The following TMEM87B variants were observed in gnomAD, a reference collection of about 807,000 sequenced individuals.
The protein encoded by TMEM87B is transmembrane protein 87B.
Under a neutral mutation model 80.3 loss-of-function variants are expected in TMEM87B, and 83 were observed. That is an observed-to-expected ratio of 1.03 (90% confidence interval 0.87 to 1.24). The LOEUF (loss-of-function observed/expected upper bound fraction) is 1.24. TMEM87B is among the 50% of genes most tolerant of loss of function. TMEM87B has a pLI of 0.00. For synonymous variants in TMEM87B, 219 were observed against 230.5 expected (o/e 0.95, Z 0.45); for missense variants, 625 against 674.4 (o/e 0.93, Z 0.81).
chr2:112,094,660 A>G (rs981887512), intron 11 of TMEM87B, among the ~76,000 whole-genome samples: 1 of 152,182 alleles, frequency 6.6e-6, no homozygotes, highest in Non-Finnish European at 1.5e-5. Flanking sequence ...GGGTAGGAAA[A>G]TAAGGAAAAC....
In TMEM87B at chr2:112,055,658, G is replaced by A. The variant is rs1026928944; in HGVS notation, c.67G>A (p.Ala23Thr). Residue 23 changes from alanine to threonine, a missense_variant, in exon 1 of 19, where the codon GCC becomes ACC. Ala to Thr is a moderately conservative substitution (Grantham distance 58). Coordinates refer to ENST00000283206, the MANE Select transcript of TMEM87B (RefSeq NM_032824.3). ...PRRRRCFPARAPLLRVALCLL... is the reference protein window; with the variant it reads ...PRRRRCFPARTPLLRVALCLL... ...CCGCCGCCGCTGCTTTCCCGCCCGGGCCCCGCTGCTGCGCGTCGCCCTCTG... is the reference window on the plus strand; with the variant it reads ...CCGCCGCCGCTGCTTTCCCGCCCGGACCCCGCTGCTGCGCGTCGCCCTCTG... The A allele has an allele frequency of 2.5e-6, 4 of 1,577,388 alleles. No homozygotes were observed. Among genetic ancestry groups the A allele is most frequent in the African/African-American group, 1.4e-5 (1 of 71,402 alleles).
At chr2:112,066,143 G>A (rs549566199) in intron 3 of TMEM87B, among the ~76,000 whole-genome samples, 14 of 152,258 alleles carry the variant, frequency 9.2e-5, no homozygotes, top group African/African-American at 3.4e-4. Context: ...ACTTGTTTTA[G>A]CATCCTTTCA....
chr2:112,062,873 T>C (rs1197517152), intron 2 of TMEM87B, among the ~76,000 whole-genome samples: 1 of 152,182 alleles, frequency 6.6e-6, no homozygotes, highest in Non-Finnish European at 1.5e-5. Flanking sequence ...ACTCAAACAG[T>C]TCCCAACTCT....
chr2:112,065,313 A>C (rs757587631), intron 3 of TMEM87B, among the ~76,000 whole-genome samples: 1 of 152,202 alleles, frequency 6.6e-6, no homozygotes, highest in Non-Finnish European at 1.5e-5. Context: ...ATAGAATTCA[A>C]ATTTAACACT....
chr2:112,095,048 AG>A (rs1241245902), intron 11 of TMEM87B, among the ~76,000 whole-genome samples: 1 of 151,866 alleles, frequency 6.6e-6, no homozygotes, highest in African/African-American at 2.4e-5. Flanking sequence ...CTAAAGTCAT[AG>A]GAAAAAAAAT....
intron 11 of TMEM87B, 105 bp downstream of exon 11, chr2:112,091,888 AC>A: frequency 1.2e-6 from 1 of 865,906 alleles, no homozygotes; most frequent in South Asian, 1.7e-5. Context: ...CATTTTTGTT[AC>A]CTTAATACGA....
intron 9 of TMEM87B, among the ~76,000 whole-genome samples, chr2:112,088,905 C>T (rs1319868997): frequency 2.0e-5 from 3 of 152,016 alleles, no homozygotes; most frequent in Admixed American, 6.6e-5. Flanking sequence ...ACTACAGGCA[C>T]GAGCCACCAC....
intron 6 of TMEM87B, among the ~76,000 whole-genome samples, chr2:112,080,240 C>CT (rs1173035824): frequency 2.6e-4 from 37 of 142,158 alleles, no homozygotes; most frequent in Non-Finnish European, 3.4e-4. Context: ...CTTGCCCATT[C>CT]TTTTTTTTTT....
chr2:112,113,058 A>G, intron 18 of TMEM87B, 129 bp downstream of exon 18: 1 of 842,536 alleles, frequency 1.2e-6, no homozygotes, highest in Non-Finnish European at 1.8e-6. Context: ...GATGCTATGA[A>G]TTGATTTGTG....
intron 6 of TMEM87B, among the ~76,000 whole-genome samples, chr2:112,079,450 T>G (rs1423958405): frequency 6.6e-6 from 1 of 152,226 alleles, no homozygotes; most frequent in African/African-American, 2.4e-5. Context: ...AATTTTCTTC[T>G]TTTTAAAGGC....
At chr2:112,090,196 C>T (rs905213562) in intron 10 of TMEM87B, among the ~76,000 whole-genome samples, 4 of 152,028 alleles carry the variant, frequency 2.6e-5, no homozygotes, top group African/African-American at 9.7e-5. Context: ...TTCAGTAGAC[C>T]CCACCATTGG....
chr2:112,057,431 C>T (rs1286962267), intron 1 of TMEM87B, among the ~76,000 whole-genome samples: 1 of 152,134 alleles, frequency 6.6e-6, no homozygotes, highest in East Asian at 1.9e-4. Context: ...ACATGCCACA[C>T]ACCAGTTAAT....
chr2:112,112,865 C>A (rs757013415), intron 17 of TMEM87B, 34 bp from the exon 18 acceptor site: 1 of 1,607,498 alleles, frequency 6.2e-7, no homozygotes, highest in South Asian at 1.1e-5. Context: ...TTACTGTTAA[C>A]AACATTATCA....
chr2:112,065,370 G>T (rs1250197618), intron 3 of TMEM87B, among the ~76,000 whole-genome samples: 1 of 151,966 alleles, frequency 6.6e-6, no homozygotes, highest in South Asian at 2.1e-4. Flanking sequence ...TTGCAACTGG[G>T]CAGGGTGGGT....
intron 4 of TMEM87B, among the ~76,000 whole-genome samples, chr2:112,071,445 G>T (rs906900920): frequency 6.6e-6 from 1 of 151,774 alleles, no homozygotes; most frequent in African/African-American, 2.4e-5. Context: ...GGGATTACAG[G>T]CACCTGTGAC....
At chr2:112,072,017 T>C (rs1289039388) in intron 4 of TMEM87B, among the ~76,000 whole-genome samples, 1 of 152,238 alleles carries the variant, frequency 6.6e-6, no homozygotes, top group Non-Finnish European at 1.5e-5. Flanking sequence ...ATCCAAAGCC[T>C]TTTCTGTATC....
intron 11 of TMEM87B, among the ~76,000 whole-genome samples, chr2:112,096,566 TATAAA>T (rs1679475119): frequency 6.6e-6 from 1 of 152,252 alleles, no homozygotes; most frequent in Non-Finnish European, 1.5e-5. Flanking sequence ...TTTTAAAATT[TATAAA>T]ATGGAATTGG....
At chr2:112,077,363 CTG>C in intron 6 of TMEM87B, 81 bp downstream of exon 6, 1 of 639,252 alleles carries the variant, frequency 1.6e-6, no homozygotes, top group Non-Finnish European at 2.6e-6. Context: ...TCAACATTCT[CTG>C]TTTCAAATAC....
At position 112,110,102 on chromosome 2, in the gene TMEM87B, C is replaced by G. The variant is rs572991980; in HGVS notation, c.1577+2262C>G. Among the ~76,000 whole-genome samples the G allele has an allele frequency of 5.9e-5, 9 of 152,180 alleles. No individual in the cohort carries two copies. The South Asian group carries it at 1.9e-3, about 32-fold the overall frequency. ...TTTGACATTTTGGTCCAGGTTTTGT[C>G]AGTGTTTTTTGTGGAAGGGATCATC... On this transcript the variant is annotated intron_variant, in intron 17 of 18. Coordinates refer to ENST00000283206, the MANE Select transcript of TMEM87B (RefSeq NM_032824.3).
Sources: allele counts gnomAD v4.1 joint callset (sites outside exome capture counted in the v4.1 genomes callset), GRCh38; gene constraint gnomAD v4.1.1; transcripts MANE v1.5; gene names NCBI Gene and HGNC (gene_info 2026-07-23, HGNC 2026-07-21).